DISC1: variants seen among roughly 807,000 people sequenced by gnomAD.
DISC1 encodes the protein DISC1 scaffold protein.
In DISC1, 57 loss-of-function variants were observed where a neutral mutation model predicts 84.5. The ratio of observed to expected loss-of-function variants is 0.67; its 90% CI spans 0.55 to 0.84. DISC1 has a LOEUF of 0.84. DISC1 is among the 40% of genes least tolerant of loss of function. The pLI is 0.00. For synonymous variants in DISC1, 411 were observed against 415.2 expected, an observed-to-expected ratio of 0.99 and a Z score of 0.12; for missense variants, 1,000 against 1,057.8, an observed-to-expected ratio of 0.95 and a Z score of 0.76.
At chr1:231,931,334 G>A (rs1290488922) in intron 9 of DISC1, among the ~76,000 whole-genome samples, 1 of 152,206 alleles carries the variant, frequency 6.6e-6, no homozygotes, top group Admixed American at 6.5e-5. Flanking sequence ...GTGGATGTAT[G>A]GGTGAGTCTG....
chr1:231,825,217 A>G (rs938188161), intron 9 of DISC1, among the ~76,000 whole-genome samples: 5 of 152,182 alleles, frequency 3.3e-5, no homozygotes, highest in Non-Finnish European at 5.9e-5. Flanking sequence ...CCCTTAAAAT[A>G]CGTAAGTCAC....
intron 6 of DISC1, among the ~76,000 whole-genome samples, chr1:231,776,089 A>AT (rs1367575750): frequency 6.6e-6 from 1 of 152,178 alleles, no homozygotes; most frequent in Non-Finnish European, 1.5e-5. Context: ...GTCTAGCACC[A>AT]TTAGCTCAGC....
At chr1:231,912,821 T>C (rs1240060850) in intron 9 of DISC1, among the ~76,000 whole-genome samples, 1 of 151,662 alleles carries the variant, frequency 6.6e-6, no homozygotes, top group Non-Finnish European at 1.5e-5. Context: ...CTTTCCTTGC[T>C]TCCTTCCTTT....
chr1:231,924,955 C>CTT (rs370177238), intron 9 of DISC1, among the ~76,000 whole-genome samples: 7 of 139,320 alleles, frequency 5.0e-5, no homozygotes, highest in Admixed American at 2.1e-4. Context: ...TGCGCCCGGC[C>CTT]TTTTTTTTTT....
chr1:231,758,209 AC>A (rs1034615574), intron 4 of DISC1, among the ~76,000 whole-genome samples: 3 of 151,988 alleles, frequency 2.0e-5, no homozygotes, highest in Non-Finnish European at 4.4e-5. Flanking sequence ...CTTGGGAATC[AC>A]TTCTTCAAAA....
chr1:231,997,588 G>A (rs984139187), intron 10 of DISC1, among the ~76,000 whole-genome samples: 3 of 152,022 alleles, frequency 2.0e-5, no homozygotes, highest in African/African-American at 7.3e-5. Context: ...AGTGAGGCTC[G>A]GGGTTTTGAG....
At chr1:231,987,203 C>G (rs1664569560) in intron 10 of DISC1, among the ~76,000 whole-genome samples, 1 of 152,182 alleles carries the variant, frequency 6.6e-6, no homozygotes, top group Admixed American at 6.5e-5. Context: ...AGATTGCAGC[C>G]TTTATGATAC....
chr1:231,985,734 G>GT (rs1173292509), intron 10 of DISC1, among the ~76,000 whole-genome samples: 1 of 152,152 alleles, frequency 6.6e-6, no homozygotes, highest in African/African-American at 2.4e-5. Context: ...CCAGTAAAGT[G>GT]TTTCTGTATT....
In DISC1 at chr1:232,026,503, G is replaced by A; in HGVS notation, c.2376G>A (p.Leu792=). The change falls in exon 12 of 13, where the codon TTG becomes TTA. Residue 792 remains leucine, a synonymous_variant. Coordinates refer to ENST00000439617, the MANE Select transcript of DISC1 (RefSeq NM_018662.3). ...CEDIGKKLLY[L]EDQLHTAIHS... is the part of the protein sequence containing the mutation. ...ACATAGGCAAGAAGCTATTGTACTT[G>A]GAAGATCAACTTCACACAGCAATCC... 10 of 1,608,232 alleles carry A rather than the reference G, an allele frequency of 6.2e-6. No individual in the cohort carries two copies. Among genetic ancestry groups the A allele is most frequent in the Non-Finnish European group, 8.5e-6 (10 of 1,177,232 alleles).
intron 10 of DISC1, among the ~76,000 whole-genome samples, chr1:231,996,334 T>A (rs1300221362): frequency 6.6e-6 from 1 of 152,204 alleles, no homozygotes; most frequent in Non-Finnish European, 1.5e-5. Flanking sequence ...GTGCAGAAGC[T>A]CTTTAGTTTA....
At position 231,897,213 on chromosome 1, in the gene DISC1, G is replaced by A. The variant is rs2087763411; in HGVS notation, c.1982-61615G>A. On this transcript the variant is annotated intron_variant, in intron 9 of 12. Coordinates refer to ENST00000439617, the MANE Select transcript of DISC1 (RefSeq NM_018662.3). The surrounding 1 kb of genome is among the most constrained non-coding windows in gnomAD (Gnocchi z 4.5). The stretch of plus-strand genomic sequence containing the variant: ...TGTAGGGCTGAGCACTTGAAACAGA[G>A]GGAGGACATATTGCAGCCAAACCTC... 6.6e-6 allele frequency among the ~76,000 whole-genome samples: 1 copy of A among 152,210 alleles called. No homozygotes were observed. The highest frequency in any genetic ancestry group is 1.5e-5 in the Non-Finnish European group (1 of 68,032).
intron 11 of DISC1, among the ~76,000 whole-genome samples, chr1:232,022,598 A>G (rs1342173067): frequency 6.6e-6 from 1 of 151,986 alleles, no homozygotes; most frequent in African/African-American, 2.4e-5. Context: ...GAGCCACCGC[A>G]CCCAGCCAAT....
intron 1 of DISC1, among the ~76,000 whole-genome samples, chr1:231,634,575 T>A (rs767592764): frequency 6.6e-6 from 1 of 152,166 alleles, no homozygotes; most frequent in Non-Finnish European, 1.5e-5. Flanking sequence ...AAACAGTAGA[T>A]TTGGGGGCCT....
At chr1:231,911,285 AT>A (rs1325925228) in intron 9 of DISC1, among the ~76,000 whole-genome samples, 1 of 152,056 alleles carries the variant, frequency 6.6e-6, no homozygotes, top group Admixed American at 6.5e-5. Context: ...GGTCTTTACA[AT>A]TTGGCATGTT....
In DISC1 at chr1:231,943,836, A is replaced by T. The variant is rs1277833471; in HGVS notation, c.1982-14992A>T. ...CGTCCTGGGTTCAAGCTATTCTCCT[A>T]CCTCAGCTTCCTGAGTAGCTGGGAC... On this transcript the variant is annotated intron_variant, in intron 9 of 12. Coordinates refer to ENST00000439617, the MANE Select transcript of DISC1 (RefSeq NM_018662.3). 2 of 151,142 alleles carry T rather than the reference A, an allele frequency of 1.3e-5. 1 individual carries two copies. The highest frequency in any genetic ancestry group is 2.9e-5 in the Non-Finnish European group (2 of 67,898). 9.4% of individuals were successfully genotyped at this position (151,142 alleles called of 1,614,324 possible).
chr1:231,702,629 C>A, intron 3 of DISC1: 1 of 980,052 alleles, frequency 1.0e-6, no homozygotes, highest in Non-Finnish European at 1.2e-6. Flanking sequence ...TGATCTGAGG[C>A]CAGGAAAACA....
chr1:231,628,764 CAG>C (rs1311630898), intron 1 of DISC1, among the ~76,000 whole-genome samples: 2 of 152,270 alleles, frequency 1.3e-5, no homozygotes, highest in East Asian at 3.9e-4. Context: ...CTTTAGGAGA[CAG>C]AGTCTTGCTC....
At chr1:231,931,520 T>C (rs552581635) in intron 9 of DISC1, among the ~76,000 whole-genome samples, 3 of 152,094 alleles carry the variant, frequency 2.0e-5, no homozygotes, top group Non-Finnish European at 4.4e-5. Context: ...AGTGAATGAG[T>C]GAGTGAATGA....
chr1:231,898,264 TA>T (rs1571902766), intron 9 of DISC1, among the ~76,000 whole-genome samples: 1 of 152,022 alleles, frequency 6.6e-6, no homozygotes, highest in East Asian at 1.9e-4. Flanking sequence ...ACTTGGGCCC[TA>T]AAAATATAAC....
Sources: allele counts gnomAD v4.1 joint callset (sites outside exome capture counted in the v4.1 genomes callset), GRCh38; gene constraint gnomAD v4.1.1; non-coding constraint Gnocchi (gnomAD v3.1); transcripts MANE v1.5; gene names NCBI Gene and HGNC (gene_info 2026-07-23, HGNC 2026-07-21).